The following SUGCT variants were observed in gnomAD, a reference collection of about 807,000 sequenced individuals.
SUGCT encodes the protein succinyl-CoA:glutarate CoA-transferase.
SUGCT carries 41 observed loss-of-function variants against 55.0 expected under a neutral mutation model. The ratio of observed to expected loss-of-function variants is 0.74; its 90% CI spans 0.58 to 0.97. The LOEUF (loss-of-function observed/expected upper bound fraction) is 0.97, where lower values mean the gene tolerates loss of function less well. Ranked by LOEUF, SUGCT falls within the 50% of genes least tolerant of loss-of-function variation. SUGCT has a pLI of 0.00. For missense variants in SUGCT, 568 were observed against 547.8 expected (o/e 1.04, Z -0.37); for synonymous variants, 187 against 200.4 (o/e 0.93, Z 0.56).
chr7:40,796,672 G>C (rs1300778355), intron 13 of SUGCT, among the ~76,000 whole-genome samples: 2 of 152,148 alleles, frequency 1.3e-5, no homozygotes, highest in African/African-American at 4.8e-5. Flanking sequence ...CCAGAGATTT[G>C]AACCCAACTT....
intron 12 of SUGCT, among the ~76,000 whole-genome samples, chr7:40,568,871 C>G (rs1329718827): frequency 6.6e-6 from 1 of 152,172 alleles, no homozygotes; most frequent in Non-Finnish European, 1.5e-5. Flanking sequence ...AGAGAGCAGC[C>G]TCCCTCTAAA....
chr7:40,192,409 T>C (rs57226327), intron 5 of SUGCT, among the ~76,000 whole-genome samples: 2,137 of 152,250 alleles, frequency 0.014, 50 homozygotes, highest in African/African-American at 0.049. Context: ...TTCAGACAAT[T>C]TTCTATGTTA....
At chr7:40,138,785 GGC>G (rs1787827690) in intron 1 of SUGCT, among the ~76,000 whole-genome samples, 1 of 152,096 alleles carries the variant, frequency 6.6e-6, no homozygotes, top group African/African-American at 2.4e-5. Flanking sequence ...TTTTACTCAT[GGC>G]AGTACACAGA....
intron 9 of SUGCT, among the ~76,000 whole-genome samples, chr7:40,360,487 G>T (rs188545789): frequency 6.6e-6 from 1 of 152,216 alleles, no homozygotes; most frequent in Non-Finnish European, 1.5e-5. Flanking sequence ...TGGGTCTACA[G>T]TGAAGAACAA....
chr7:40,382,941 A>T (rs931202344), intron 9 of SUGCT, among the ~76,000 whole-genome samples: 1 of 152,228 alleles, frequency 6.6e-6, no homozygotes, highest in Non-Finnish European at 1.5e-5. Context: ...CACAGATTAC[A>T]TTCATTAATT....
At chr7:40,985,861 T>A in the SUGCT span, among the ~76,000 whole-genome samples, 1 of 152,300 alleles carries the variant, frequency 6.6e-6, no homozygotes, top group African/African-American at 2.4e-5. Context: ...ATTAGGGTTT[T>A]GGTAAAAATT....
chr7:40,873,651 G>A, the SUGCT span, among the ~76,000 whole-genome samples: 3 of 152,126 alleles, frequency 2.0e-5, no homozygotes, highest in Non-Finnish European at 2.9e-5. Context: ...GTTTATTCTG[G>A]TTATAACTGA....
intron 8 of SUGCT, among the ~76,000 whole-genome samples, chr7:40,299,145 ATG>A (rs1410226133): frequency 6.6e-6 from 1 of 152,124 alleles, no homozygotes; most frequent in Non-Finnish European, 1.5e-5. Context: ...TGTGTTTTGA[ATG>A]TGTGTTTTGA....
chr7:40,236,698 C>T (rs527892009), intron 6 of SUGCT, among the ~76,000 whole-genome samples: 1 of 152,182 alleles, frequency 6.6e-6, no homozygotes, highest in African/African-American at 2.4e-5. Flanking sequence ...GTACTTGAAA[C>T]CCGGCTGAGG....
In SUGCT at chr7:40,750,063, C is replaced by G. The variant is rs540689825; in HGVS notation, c.1153+566C>G. ...GCTCACCAGAGACTGCTGCCTAAGC[C>G]GAAATGCCAGCTTCTTTACTTGCAG... On this transcript the variant is annotated intron_variant, in intron 13 of 13. Coordinates refer to ENST00000335693, the MANE Select transcript of SUGCT (RefSeq NM_001193313.2). Among the ~76,000 whole-genome samples the G allele has an allele frequency of 2.0e-5, 3 of 152,288 alleles. No individual in the cohort carries two copies. The South Asian group carries it at 6.2e-4, about 32-fold the overall frequency.
chr7:40,254,230 C>A (rs1790641609), intron 7 of SUGCT, among the ~76,000 whole-genome samples: 1 of 152,198 alleles, frequency 6.6e-6, no homozygotes, highest in East Asian at 1.9e-4. Context: ...AAAGATTTCA[C>A]ACACACATAC....
At chr7:40,785,282 A>G (rs947149964) in intron 13 of SUGCT, 5 of 152,210 alleles carry the variant, frequency 3.3e-5, no homozygotes, top group African/African-American at 1.2e-4. Flanking sequence ...TTTAGGGATA[A>G]GAACCAGGAC....
At chr7:40,395,359 G>C (rs1412531970) in intron 9 of SUGCT, among the ~76,000 whole-genome samples, 1 of 151,540 alleles carries the variant, frequency 6.6e-6, no homozygotes, top group East Asian at 1.9e-4. Flanking sequence ...TATGGTGGCT[G>C]GTGTCTGTAA....
At chr7:40,948,579 A>G in the SUGCT span, among the ~76,000 whole-genome samples, 1 of 151,972 alleles carries the variant, frequency 6.6e-6, no homozygotes, top group Non-Finnish European at 1.5e-5. Context: ...TACACTAGGT[A>G]TTTCTCCTAG....
the SUGCT span, among the ~76,000 whole-genome samples, chr7:41,014,259 G>A: frequency 6.6e-6 from 1 of 152,126 alleles, no homozygotes; most frequent in Non-Finnish European, 1.5e-5. Flanking sequence ...ATGCGTGTAT[G>A]TGTGGCTGTG....
Position 40,274,432 on chromosome 7 carries a change from TCACA to T in SUGCT, c.577-80_577-77del. On this transcript the variant is annotated intron_variant, in intron 7 of 13. Transcript: ENST00000335693. ...TTAATAGACAATTCTTTTTTCTATT[TCACA>T]TTAGAAGATTTGAGAAATCATATGA... The T allele has an allele frequency of 5.5e-6, 8 of 1,454,198 alleles. No homozygotes were observed. In the Admixed American group the frequency reaches 6.4e-5, roughly 12 times the overall value. The allele number at this position is 1,454,198 out of a possible 1,614,324, so 90.1% of individuals were successfully genotyped here.
intron 12 of SUGCT, among the ~76,000 whole-genome samples, chr7:40,636,688 C>T (rs917574252): frequency 6.6e-6 from 1 of 151,982 alleles, no homozygotes; most frequent in Non-Finnish European, 1.5e-5. Flanking sequence ...TGAAAAAGTT[C>T]TGGTAGTGAA....
At chr7:40,913,167 C>T in the SUGCT span, among the ~76,000 whole-genome samples, 10 of 152,102 alleles carry the variant, frequency 6.6e-5, no homozygotes, top group African/African-American at 1.7e-4. Flanking sequence ...TGTGCCACCA[C>T]GCCCAGCTAA....
At chr7:40,946,199 G>A in the SUGCT span, among the ~76,000 whole-genome samples, 50,301 of 151,594 alleles carry the variant, frequency 0.33, 9,064 homozygotes, top group Admixed American at 0.45. Flanking sequence ...GTAGTGATGG[G>A]ATTTATGCTT....
Sources: gnomAD v4.1 joint callset for allele counts (sites outside exome capture counted in the v4.1 genomes callset) on GRCh38, gnomAD v4.1.1 for gene constraint, MANE v1.5 for transcripts, NCBI Gene and HGNC (gene_info 2026-07-23, HGNC 2026-07-21) for gene names.